The following ITFG1 variants were observed in gnomAD, a reference collection of about 807,000 sequenced individuals.
ITFG1 encodes T-cell immunomodulatory protein.
ITFG1 carries 34 observed loss-of-function variants against 81.8 expected under a neutral mutation model. That is an observed-to-expected ratio of 0.42 (90% CI 0.32 to 0.55). The LOEUF (loss-of-function observed/expected upper bound fraction) is 0.55. ITFG1 is among the 20% of genes least tolerant of loss of function. The pLI is 0.17. For synonymous variants in ITFG1, 285 were observed against 270.6 expected (o/e 1.05, Z -0.52); for missense variants, 672 against 755.4 (o/e 0.89, Z 1.29).
chr16:47,181,073 C>T (rs1280477982), intron 14 of ITFG1, among the ~76,000 whole-genome samples: 8 of 151,436 alleles, frequency 5.3e-5, no homozygotes, highest in Non-Finnish European at 1.0e-4. Flanking sequence ...TTCCAGGCTG[C>T]CATCCCATCT....
chr16:47,321,249 T>C (rs1275110119), intron 8 of ITFG1, among the ~76,000 whole-genome samples: 1 of 152,176 alleles, frequency 6.6e-6, no homozygotes, highest in Non-Finnish European at 1.5e-5. Flanking sequence ...GGCTGAAAGA[T>C]TTCTATGCAG....
At chr16:47,297,032 CA>C (rs1966993062) in intron 10 of ITFG1, among the ~76,000 whole-genome samples, 1 of 152,106 alleles carries the variant, frequency 6.6e-6, no homozygotes, top group African/African-American at 2.4e-5. Flanking sequence ...TGAAGTTCCC[CA>C]CTATTATTGT....
At chr16:47,237,788 G>A (rs907030022) in intron 13 of ITFG1, among the ~76,000 whole-genome samples, 177 bp downstream of exon 13, 4 of 152,142 alleles carry the variant, frequency 2.6e-5, no homozygotes, top group African/African-American at 9.7e-5. Context: ...GTTCAGGTAA[G>A]ACATTTTTTT....
chr16:47,368,237 TAAA>T (rs1197857958), intron 7 of ITFG1, among the ~76,000 whole-genome samples: 11 of 77,982 alleles, frequency 1.4e-4, no homozygotes, highest in Admixed American at 3.0e-4. Context: ...CCGTCTCAAT[TAAA>T]AAAAAAAAAA....
At chr16:47,267,031 G>T (rs532816407) in intron 10 of ITFG1, among the ~76,000 whole-genome samples, 6 of 152,288 alleles carry the variant, frequency 3.9e-5, no homozygotes, top group Non-Finnish European at 8.8e-5. Flanking sequence ...TGGGGCTGAG[G>T]GAATTGGAGG....
chr16:47,205,887 T>C (rs1965492177), intron 14 of ITFG1, among the ~76,000 whole-genome samples: 1 of 147,606 alleles, frequency 6.8e-6, no homozygotes, highest in Non-Finnish European at 1.5e-5. Flanking sequence ...TATCTATCTA[T>C]CTGAGTCTAA....
intron 6 of ITFG1, among the ~76,000 whole-genome samples, chr16:47,424,618 T>C (rs1427179740): frequency 6.6e-6 from 1 of 152,184 alleles, no homozygotes; most frequent in African/African-American, 2.4e-5. Flanking sequence ...TGGGTTTTGG[T>C]GTGGATGTCC....
At chr16:47,431,352 G>A (rs1209639119) in intron 5 of ITFG1, among the ~76,000 whole-genome samples, 1 of 152,212 alleles carries the variant, frequency 6.6e-6, no homozygotes, top group Non-Finnish European at 1.5e-5. Flanking sequence ...GATTCTCAAA[G>A]GACTGCGAAC....
intron 10 of ITFG1, among the ~76,000 whole-genome samples, chr16:47,284,618 T>C (rs954820187): frequency 2.6e-5 from 4 of 152,182 alleles, no homozygotes; most frequent in African/African-American, 9.6e-5. Context: ...GATTAATGCA[T>C]AATGGGTCAA....
At chr16:47,365,622 C>T in intron 8 of ITFG1, 166 bp downstream of exon 8, 1 of 466,504 alleles carries the variant, frequency 2.1e-6, no homozygotes, top group Non-Finnish European at 3.8e-6. Context: ...AAGGAATTGA[C>T]ATGTCACATA....
At chr16:47,181,313 G>A (rs1965110781) in intron 14 of ITFG1, among the ~76,000 whole-genome samples, 1 of 151,408 alleles carries the variant, frequency 6.6e-6, no homozygotes, top group Non-Finnish European at 1.5e-5. Context: ...GAAGTGAGGA[G>A]CGTCTCCGCC....
chr16:47,320,407 T>C (rs1289469802), intron 8 of ITFG1, among the ~76,000 whole-genome samples: 1 of 152,180 alleles, frequency 6.6e-6, no homozygotes, highest in African/African-American at 2.4e-5. Flanking sequence ...CCACACCCTG[T>C]TTTGTTCTAG....
At chr16:47,241,990 C>A (rs1965941121) in intron 12 of ITFG1, among the ~76,000 whole-genome samples, 1 of 150,836 alleles carries the variant, frequency 6.6e-6, no homozygotes, top group Non-Finnish European at 1.5e-5. Context: ...GAGTGACAGA[C>A]AATAGGTACA....
chr16:47,424,370 T>G (rs1246811139), intron 6 of ITFG1, among the ~76,000 whole-genome samples: 1 of 152,202 alleles, frequency 6.6e-6, no homozygotes, highest in East Asian at 1.9e-4. Flanking sequence ...TGCGATGGGT[T>G]AGAACACACT....
chr16:47,455,712 T>C (rs1969442789), intron 2 of ITFG1, among the ~76,000 whole-genome samples: 1 of 136,096 alleles, frequency 7.3e-6, no homozygotes. Context: ...GAGATTGCAG[T>C]GAGCCAAGAT....
chr16:47,263,674 G>A (rs941323440), intron 10 of ITFG1, among the ~76,000 whole-genome samples: 1 of 151,998 alleles, frequency 6.6e-6, no homozygotes, highest in Non-Finnish European at 1.5e-5. Flanking sequence ...CTGCTGCAGA[G>A]GTGGCTATTT....
At chr16:47,181,558 G>T (rs1965122021) in intron 14 of ITFG1, among the ~76,000 whole-genome samples, 2 of 146,556 alleles carry the variant, frequency 1.4e-5, no homozygotes, top group Admixed American at 6.7e-5. Flanking sequence ...AGGTGGGGGG[G>T]GGTCAGCCCC....
chr16:47,229,510 A>C (rs533450823), intron 13 of ITFG1, among the ~76,000 whole-genome samples: 1 of 152,268 alleles, frequency 6.6e-6, no homozygotes, highest in Admixed American at 6.5e-5. Flanking sequence ...ATCATCTCTC[A>C]AGGGTAAAGG....
intron 6 of ITFG1, among the ~76,000 whole-genome samples, chr16:47,418,930 A>C (rs1392185595): frequency 6.6e-6 from 1 of 152,194 alleles, no homozygotes; most frequent in Non-Finnish European, 1.5e-5. Context: ...TCTGTGAAGA[A>C]TGCCATTGTT....
Sources: allele counts gnomAD v4.1 joint callset (sites outside exome capture counted in the v4.1 genomes callset), GRCh38; gene constraint gnomAD v4.1.1; transcripts MANE v1.5; gene names NCBI Gene and HGNC (gene_info 2026-07-23, HGNC 2026-07-21).